The following PON3 variants were observed in gnomAD, a reference collection of about 807,000 sequenced individuals.
PON3 encodes serum paraoxonase/lactonase 3.
A neutral mutation model predicts 36.3 loss-of-function variants in PON3; 37 were observed. The ratio of observed to expected loss-of-function variants is 1.02; its 90% CI spans 0.78 to 1.34. PON3 has a LOEUF of 1.34. Among genes scored for constraint, PON3 ranks in the 40% most tolerant of loss-of-function variants. The pLI is 0.00. For missense variants in PON3, 415 were observed against 426.5 expected (o/e 0.97, Z 0.24); for synonymous variants, 155 against 154.8 (o/e 1.00, Z -0.01).
chr7:95,389,332 C>T (rs921045839), intron 3 of PON3, among the ~76,000 whole-genome samples: 20 of 151,992 alleles, frequency 1.3e-4, no homozygotes, highest in African/African-American at 4.8e-4. Flanking sequence ...ATAAGTACCC[C>T]TTTTTTGGCC....
chr7:95,367,323 G>A, intron 5 of PON3, 39 bp downstream of exon 5: 6 of 1,605,226 alleles, frequency 3.7e-6, no homozygotes, highest in Non-Finnish European at 5.1e-6. Context: ...CAGCAGAGGT[G>A]CAAAGTAAAT....
chr7:95,389,857 G>A (rs75014385), intron 3 of PON3, among the ~76,000 whole-genome samples: 26 of 152,298 alleles, frequency 1.7e-4, no homozygotes, highest in Non-Finnish European at 3.5e-4. Context: ...GATAGCAATA[G>A]GACAGAACTG....
At chr7:95,376,909 C>T (rs570382982) in intron 3 of PON3, among the ~76,000 whole-genome samples, 1 of 152,208 alleles carries the variant, frequency 6.6e-6, no homozygotes, top group African/African-American at 2.4e-5. Flanking sequence ...ACAGTGGGTG[C>T]AGCCCATGGA....
At chr7:95,368,774 T>G (rs1808749562) in intron 4 of PON3, among the ~76,000 whole-genome samples, 1 of 142,218 alleles carries the variant, frequency 7.0e-6, no homozygotes, top group African/African-American at 2.6e-5. Context: ...ACTGTTATTG[T>G]ATAAACATGT....
intron 3 of PON3, among the ~76,000 whole-genome samples, chr7:95,385,046 C>T (rs1394843007): frequency 6.6e-6 from 1 of 152,152 alleles, no homozygotes; most frequent in Admixed American, 6.6e-5. Context: ...AGTTCATGTC[C>T]TTTGTAGGAA....
intron 3 of PON3, among the ~76,000 whole-genome samples, chr7:95,373,794 T>C (rs1333750661): frequency 2.6e-5 from 4 of 152,162 alleles, no homozygotes; most frequent in Admixed American, 6.5e-5. Context: ...GTCTCACTTC[T>C]AAATTTATTT....
At position 95,362,502 on chromosome 7, in the gene PON3, G is replaced by C. The variant is rs751674142; in HGVS notation, c.778-12C>G. 13 of 1,613,302 alleles carry C rather than the reference G, an allele frequency of 8.1e-6. No individual in the cohort carries two copies. Among genetic ancestry groups the C allele is most frequent in the Non-Finnish European group, 1.0e-5 (12 of 1,179,732 alleles). On this transcript the variant is annotated splice_polypyrimidine_tract_variant and intron_variant, in intron 7 of 8. Coordinates refer to ENST00000265627, the MANE Select transcript of PON3 (RefSeq NM_000940.3). Reference sequence around the variant, plus strand: ...CCCAACTGTATCACCTTACAACAAAGAGGGAGTAGTGAAGACATTGTCTCA... The same window carrying C: ...CCCAACTGTATCACCTTACAACAAACAGGGAGTAGTGAAGACATTGTCTCA...
intron 3 of PON3, among the ~76,000 whole-genome samples, chr7:95,383,417 C>T (rs1809110301): frequency 6.6e-6 from 1 of 152,186 alleles, no homozygotes; most frequent in Admixed American, 6.5e-5. Flanking sequence ...CAAATTGTCC[C>T]TGTTTGCAGA....
intron 4 of PON3, among the ~76,000 whole-genome samples, chr7:95,368,305 C>T (rs1374589510): frequency 1.3e-5 from 2 of 152,142 alleles, no homozygotes; most frequent in African/African-American, 4.8e-5. Context: ...TTTTTAAGCA[C>T]GTGATGGAAC....
chr7:95,364,097 T>A (rs535737303), intron 5 of PON3, 34 bp from the exon 6 acceptor site: 1 of 1,533,022 alleles, frequency 6.5e-7, no homozygotes, highest in South Asian at 1.1e-5. Context: ...AAGAGACCCA[T>A]GAGGTATTTA....
intron 7 of PON3, 120 bp from the exon 8 acceptor site, chr7:95,362,610 T>C (rs1808597510): frequency 6.8e-7 from 1 of 1,477,388 alleles, no homozygotes; most frequent in Non-Finnish European, 9.4e-7. Flanking sequence ...TTTAGGGGGC[T>C]TTGCTTCTGT....
At chr7:95,370,906 A>G (rs1246409160) in intron 4 of PON3, among the ~76,000 whole-genome samples, 1 of 152,236 alleles carries the variant, frequency 6.6e-6, no homozygotes, top group African/African-American at 2.4e-5. Flanking sequence ...ATTTAGTTCC[A>G]GAACATTTTC....
intron 3 of PON3, among the ~76,000 whole-genome samples, chr7:95,386,360 A>G (rs984835714): frequency 6.6e-6 from 1 of 152,118 alleles, no homozygotes; most frequent in Non-Finnish European, 1.5e-5. Context: ...ACACCTCTAC[A>G]CAAATAAACT....
intron 3 of PON3, among the ~76,000 whole-genome samples, chr7:95,379,437 G>A (rs554695169): frequency 6.6e-6 from 1 of 152,356 alleles, no homozygotes; most frequent in Admixed American, 6.5e-5. Flanking sequence ...AAAGGGTCAG[G>A]GAATTCCCTT....
At chr7:95,375,576 A>T (rs1187304680) in intron 3 of PON3, among the ~76,000 whole-genome samples, 1 of 152,134 alleles carries the variant, frequency 6.6e-6, no homozygotes, top group African/African-American at 2.4e-5. Context: ...ACAGAACACA[A>T]TGGCAAGTAC....
intron 5 of PON3, among the ~76,000 whole-genome samples, chr7:95,367,034 A>T (rs1408072048): frequency 6.6e-6 from 1 of 152,224 alleles, no homozygotes; most frequent in African/African-American, 2.4e-5. Context: ...CAACCAAAAA[A>T]GGGTGTAGGT....
intron 2 of PON3, among the ~76,000 whole-genome samples, chr7:95,394,140 C>T (rs925653899): frequency 5.9e-5 from 9 of 152,150 alleles, no homozygotes; most frequent in East Asian, 3.9e-4. Flanking sequence ...CCTCATGATC[C>T]GCCCCCCTCG....
At chr7:95,369,776 T>TA (rs995619518) in intron 4 of PON3, among the ~76,000 whole-genome samples, 118 of 149,212 alleles carry the variant, frequency 7.9e-4, no homozygotes, top group South Asian at 4.0e-3. Context: ...CTTCATCTCA[T>TA]AAAAAAAAAA....
chr7:95,369,173 T>C (rs1401465696), intron 4 of PON3, among the ~76,000 whole-genome samples: 4 of 152,200 alleles, frequency 2.6e-5, no homozygotes, highest in Non-Finnish European at 2.9e-5. Context: ...GCCTGTCCTA[T>C]AGGGTTCGTT....
Sources: gnomAD v4.1 joint callset for allele counts (sites outside exome capture counted in the v4.1 genomes callset) on GRCh38, gnomAD v4.1.1 for gene constraint, MANE v1.5 for transcripts, NCBI Gene and HGNC (gene_info 2026-07-23, HGNC 2026-07-21) for gene names.